Variants in SRM observed in about 807,000 individuals in gnomAD.
SRM encodes the protein putrescine aminopropyltransferase.
A neutral mutation model predicts 39.3 loss-of-function variants in SRM; 14 were observed. The ratio of observed to expected loss-of-function variants is 0.36; its 90% CI spans 0.24 to 0.56. The LOEUF (loss-of-function observed/expected upper bound fraction) is 0.56, where lower values mean the gene tolerates loss of function less well. Ranked by LOEUF, SRM falls within the 20% of genes least tolerant of loss-of-function variation. The probability of loss-of-function intolerance (pLI) is 0.86; values close to 1 mark genes in which losing one functional copy is unlikely to be tolerated. For synonymous variants in SRM, 195 were observed against 173.1 expected, an observed-to-expected ratio of 1.13 and a Z score of -0.99; for missense variants, 244 against 409.2, an observed-to-expected ratio of 0.60 and a Z score of 3.48.
At chr1:11,055,682 T>G in intron 6 of SRM, 99 bp downstream of exon 6, 3 of 1,294,360 alleles carry the variant, frequency 2.3e-6, no homozygotes, top group Non-Finnish European at 3.2e-6. Context: ...CCCAAAGTGC[T>G]GGGATTACAG....
chr1:11,055,131 T>C, intron 6 of SRM, 47 bp from the exon 7 acceptor site: 2 of 1,533,780 alleles, frequency 1.3e-6, no homozygotes, highest in Non-Finnish European at 1.7e-6. Flanking sequence ...TTTTTTTTTT[T>C]TTTTTTTGAG....
At chr1:11,055,576 G>A (rs997550856) in intron 6 of SRM, among the ~76,000 whole-genome samples, 5 of 152,092 alleles carry the variant, frequency 3.3e-5, no homozygotes, top group African/African-American at 1.2e-4. Context: ...TGCCATGCCT[G>A]GCTAATTTTT....
intron 5 of SRM, 39 bp from the exon 6 acceptor site, chr1:11,055,965 C>T: frequency 4.4e-6 from 7 of 1,589,248 alleles, no homozygotes; most frequent in Non-Finnish European, 6.0e-6. Context: ...CAGGGCCTGC[C>T]CTGCCCCACC....
At chr1:11,059,639 G>A in intron 1 of SRM, 138 bp downstream of exon 1, 5 of 1,088,192 alleles carry the variant, frequency 4.6e-6, no homozygotes, top group Non-Finnish European at 6.4e-6. Flanking sequence ...CCAGGGAGGC[G>A]GTGTGAGGGG....
intron 1 of SRM, 79 bp downstream of exon 1, chr1:11,059,698 C>A: frequency 1.4e-6 from 2 of 1,456,664 alleles, no homozygotes; most frequent in East Asian, 2.6e-5. Flanking sequence ...TGGGTCCCGG[C>A]GTGGAGAGGC....
At position 11,055,483 on chromosome 1, in the gene SRM, C is replaced by T. The variant is rs757963696; in HGVS notation, c.765+298G>A. Among the ~76,000 whole-genome samples, 37 of 150,926 alleles carry T rather than the reference C, an allele frequency of 2.5e-4. No homozygotes were observed. In the South Asian group the frequency reaches 3.4e-3, roughly 14 times the overall value. Reference sequence around the variant, plus strand: ...AGGCTGGAATGTAGTGGCGCAATCTCGGCTCACTGCAAGCTCCGCCTCCCG... The same window carrying T: ...AGGCTGGAATGTAGTGGCGCAATCTTGGCTCACTGCAAGCTCCGCCTCCCG... On this transcript the variant is annotated intron_variant, in intron 6 of 7. Transcript: ENST00000376957.
At chr1:11,058,517 C>T (rs1222871363) in intron 3 of SRM, among the ~76,000 whole-genome samples, 1 of 148,508 alleles carries the variant, frequency 6.7e-6, no homozygotes, top group Non-Finnish European at 1.5e-5. Context: ...GCCGAGATCG[C>T]ACCATCACAC....
rs751630205 is a variant in SRM at position 11,056,779 on chromosome 1, A to G, written c.382-22T>C. On this transcript the variant is annotated intron_variant, in intron 3 of 7. Transcript: ENST00000376957. ...CATCCTGGAGGGGATGGGAGGGACC[A>G]GTCTGGGCCAAGGGGCTGGGGGACC... 8.1e-6 allele frequency: 13 copies of G among 1,613,628 alleles called. No individual in the cohort carries two copies. In the Admixed American group the frequency reaches 2.2e-4, roughly 27 times the overall value.
intron 4 of SRM, 93 bp downstream of exon 4, chr1:11,056,511 G>C (rs1638879657): frequency 6.7e-7 from 1 of 1,488,162 alleles, no homozygotes; most frequent in Non-Finnish European, 9.1e-7. Flanking sequence ...CGGGGGGTGG[G>C]AGGCCGCTCT....
In SRM at chr1:11,054,992, G is replaced by A. The variant is rs143776030; in HGVS notation, c.858C>T (p.Ala286=). The A allele has an allele frequency of 4.3e-6, 7 of 1,612,528 alleles. No homozygotes were observed. The highest frequency in any genetic ancestry group is 4.0e-5 in the African/African-American group (3 of 74,860). Residue 286 remains alanine (A), a synonymous_variant, in exon 7 of 8, where the codon GCC becomes GCT. Transcript: ENST00000376957. This position sits in a 1 kb window ranked among gnomAD's most constrained non-coding sequence, Gnocchi z 4.8. ...GGGCAAACTCGGGCAGCACAAAGGCGGCGCGGTGCACGTCGGAGTTGTAGT... is the reference window on the plus strand; with the variant it reads ...GGGCAAACTCGGGCAGCACAAAGGCAGCGCGGTGCACGTCGGAGTTGTAGT... ...LKYYNSDVHR[A]AFVLPEFARK...
At position 11,059,757 on chromosome 1, in the gene SRM, C is replaced by G. The variant is rs778076230; in HGVS notation, c.167+20G>C. 5 of 1,573,852 alleles carry G rather than the reference C, an allele frequency of 3.2e-6. No individual in the cohort carries two copies. The African/African-American group carries it at 7.0e-5, about 22-fold the overall frequency. ...CCGGGCTGAGCCTAGGGGGCAGGCG[C>G]CTGCGGGCAGCGGCGGTACCTGCGG... On this transcript the variant is annotated intron_variant, in intron 1 of 7. Transcript: ENST00000376957.
chr1:11,059,997 G>C lies in SRM; in HGVS notation c.-54C>G. Reference sequence around the variant, plus strand: ...GGCCCGGGACTGCAGGCCGCGCGGCGCCGCAGCACAACGGGACCAGCTCCG... The same window carrying C: ...GGCCCGGGACTGCAGGCCGCGCGGCCCCGCAGCACAACGGGACCAGCTCCG... On this transcript the variant is annotated 5_prime_UTR_variant, in exon 1 of 8. Transcript: ENST00000376957. 3 of 919,448 alleles carry C rather than the reference G, an allele frequency of 3.3e-6. No individual in the cohort carries two copies. The highest frequency in any genetic ancestry group is 1.8e-5 in the African/African-American group (1 of 55,608). The allele number at this position is 919,448 out of a possible 1,614,324, so 57.0% of individuals were successfully genotyped here.
In SRM at chr1:11,054,646, G is replaced by A. The variant is rs1249900157; in HGVS notation, c.*219C>T. On this transcript the variant is annotated 3_prime_UTR_variant, in exon 8 of 8. Coordinates refer to ENST00000376957, the MANE Select transcript of SRM (RefSeq NM_003132.3). This position sits in a 1 kb window ranked among gnomAD's most constrained non-coding sequence, Gnocchi z 4.8. ...GGGCAACAGAAGGCAGAGAGATGGC[G>A]CTGTACACAGCTGGTATAGGCTTGG... The A allele has an allele frequency of 1.3e-5, 8 of 620,352 alleles. No homozygotes were observed. Among genetic ancestry groups the A allele is most frequent in the Middle Eastern group, 8.8e-4 (2 of 2,280 alleles). The allele number at this position is 620,352 out of a possible 1,614,324, so 38.4% of individuals were successfully genotyped here.
chr1:11,059,524 C>G, intron 1 of SRM, 179 bp from the exon 2 acceptor site: 1 of 1,112,264 alleles, frequency 9.0e-7, no homozygotes, highest in Non-Finnish European at 1.3e-6. Flanking sequence ...GGGTGGGACC[C>G]GGGGTCTCCT....
chr1:11,054,965 G>T lies in SRM; in HGVS notation c.885C>A (p.Arg295=), dbSNP rs750467157. ...RAAFVLPEFA[R]KALNDVS ...CCCAGCCCCGCAGGCCACCCACCTT[G>T]CGGGCAAACTCGGGCAGCACAAAGG... Residue 295 remains arginine, a synonymous_variant, in exon 7 of 8, where the codon CGC becomes CGA. Transcript: ENST00000376957. This position sits in a 1 kb window ranked among gnomAD's most constrained non-coding sequence, Gnocchi z 4.8. 1.2e-6 allele frequency: 2 copies of T among 1,612,264 alleles called. No individual in the cohort carries two copies. The highest frequency in any genetic ancestry group is 1.7e-6 in the Non-Finnish European group (2 of 1,179,856).
intron 3 of SRM, 94 bp downstream of exon 3, chr1:11,058,706 C>A: frequency 9.0e-7 from 1 of 1,111,514 alleles, no homozygotes. Context: ...GAAACAGGCC[C>A]TACCTGCCTT....
chr1:11,057,407 C>T (rs1638898187), intron 3 of SRM, among the ~76,000 whole-genome samples: 2 of 151,744 alleles, frequency 1.3e-5, no homozygotes, highest in Admixed American at 1.3e-4. Flanking sequence ...CACCCTCCTG[C>T]CTCAGCCTCC....
chr1:11,055,962 T>G (rs746283571), intron 5 of SRM, 36 bp from the exon 6 acceptor site: 192 of 1,588,838 alleles, frequency 1.2e-4, no homozygotes, highest in Non-Finnish European at 1.6e-4. Flanking sequence ...CGGCAGGGCC[T>G]GCCCTGCCCC....
At chr1:11,058,479 T>G (rs1638918331) in intron 3 of SRM, among the ~76,000 whole-genome samples, 1 of 149,620 alleles carries the variant, frequency 6.7e-6, no homozygotes, top group South Asian at 2.1e-4. Context: ...AAGAACTACT[T>G]GAGCCCAGGA....
Sources: allele counts gnomAD v4.1 joint callset (sites outside exome capture counted in the v4.1 genomes callset), GRCh38; gene constraint gnomAD v4.1.1; non-coding constraint Gnocchi (gnomAD v3.1); transcripts MANE v1.5; gene names NCBI Gene and HGNC (gene_info 2026-07-23, HGNC 2026-07-21).